SGCZ: variants seen among roughly 807,000 people sequenced by gnomAD.
SGCZ encodes the protein sarcoglycan zeta.
Under a neutral mutation model 41.3 loss-of-function variants are expected in SGCZ, and 40 were observed. That is an observed-to-expected ratio of 0.97 (90% confidence interval 0.75 to 1.26). The LOEUF is 1.26. SGCZ is among the 50% of genes most tolerant of loss of function. The pLI is 0.00. For missense variants in SGCZ, 552 were observed against 369.8 expected (o/e 1.49, Z -4.04); for synonymous variants, 206 against 137.5 (o/e 1.50, Z -3.49).
chr8:14,256,404 T>C (rs1318437814), intron 3 of SGCZ, among the ~76,000 whole-genome samples: 1 of 152,154 alleles, frequency 6.6e-6, no homozygotes, highest in Non-Finnish European at 1.5e-5. Context: ...TAGATGGAAC[T>C]TGTTAGCACT....
intron 5 of SGCZ, among the ~76,000 whole-genome samples, chr8:14,160,287 GT>G (rs1345268507): frequency 3.9e-5 from 6 of 152,102 alleles, no homozygotes; most frequent in African/African-American, 1.4e-4. Context: ...CGTGAAATTT[GT>G]TTTCTAAAGT....
rs532401135 is a variant in SGCZ at position 14,605,502 on chromosome 8, T to C, written c.40-50576A>G. Among the ~76,000 whole-genome samples, 16 of 152,284 alleles carry C rather than the reference T, an allele frequency of 1.1e-4. No homozygotes were observed. The South Asian group carries it at 3.3e-3, about 32-fold the overall frequency. On this transcript the variant is annotated intron_variant, in intron 1 of 7. Coordinates refer to ENST00000382080, the MANE Select transcript of SGCZ (RefSeq NM_139167.4). The stretch of plus-strand genomic sequence containing the variant: ...TTATGCTATCAAATACTAGATCTTT[T>C]AATCTTTTTCTATTTTTTTGTACCC...
intron 1 of SGCZ, among the ~76,000 whole-genome samples, chr8:14,720,922 T>A (rs933573047): frequency 1.2e-4 from 18 of 146,990 alleles, no homozygotes; most frequent in South Asian, 1.1e-3. Context: ...GTTTTTTTTT[T>A]AATTTTTTTT....
chr8:14,587,618 CT>C (rs1805103300), intron 1 of SGCZ, among the ~76,000 whole-genome samples: 1 of 152,182 alleles, frequency 6.6e-6, no homozygotes, highest in African/African-American at 2.4e-5. Flanking sequence ...TTGCAGTGAA[CT>C]TTAAACCTTG....
chr8:14,090,427 G>T lies in SGCZ; in HGVS notation c.*16C>A. ...GGAACAAAAGGCTATTCTGGTGTGAGGAGAAATCAGTCACTTCAGCTCCAC... is the reference window on the plus strand; with the variant it reads ...GGAACAAAAGGCTATTCTGGTGTGATGAGAAATCAGTCACTTCAGCTCCAC... On this transcript the variant is annotated 3_prime_UTR_variant, in exon 8 of 8. Transcript: ENST00000382080. The T allele has an allele frequency of 6.2e-7, 1 of 1,607,654 alleles. No individual in the cohort carries two copies. Among genetic ancestry groups the T allele is most frequent in the South Asian group, 1.1e-5 (1 of 90,242 alleles).
At chr8:14,828,153 T>C (rs886526747) in intron 1 of SGCZ, among the ~76,000 whole-genome samples, 3 of 152,120 alleles carry the variant, frequency 2.0e-5, no homozygotes, top group African/African-American at 7.2e-5. Flanking sequence ...AATGGAAGAA[T>C]GGTGAAAGCA....
intron 2 of SGCZ, among the ~76,000 whole-genome samples, chr8:14,434,622 T>C (rs537495587): frequency 6.0e-4 from 92 of 152,298 alleles, no homozygotes; most frequent in African/African-American, 2.2e-3. Context: ...TTCAATTTGT[T>C]TGTGTCATCT....
chr8:14,802,824 C>G (rs964182912), intron 1 of SGCZ, among the ~76,000 whole-genome samples: 5 of 152,120 alleles, frequency 3.3e-5, no homozygotes, highest in African/African-American at 1.2e-4. Flanking sequence ...ATAGGGTGAA[C>G]TGCAAATGGC....
intron 2 of SGCZ, among the ~76,000 whole-genome samples, chr8:14,445,406 G>C (rs1037494202): frequency 1.3e-5 from 2 of 152,156 alleles, no homozygotes; most frequent in Non-Finnish European, 2.9e-5. Context: ...ACTTGGTAGA[G>C]GGAAGAGACA....
At chr8:14,112,757 G>A (rs557975450) in intron 5 of SGCZ, among the ~76,000 whole-genome samples, 3 of 152,034 alleles carry the variant, frequency 2.0e-5, no homozygotes, top group South Asian at 4.2e-4. Context: ...GATCTCTAAG[G>A]TACTTGCAAT....
At chr8:15,218,325 C>G (rs746853023) in intron 1 of SGCZ, among the ~76,000 whole-genome samples, 22 of 152,114 alleles carry the variant, frequency 1.4e-4, no homozygotes, top group Non-Finnish European at 2.6e-4. Context: ...TACCCAGAAC[C>G]TGAGACTAGT....
intron 1 of SGCZ, among the ~76,000 whole-genome samples, chr8:14,737,830 C>T (rs987337960): frequency 6.6e-6 from 1 of 152,038 alleles, no homozygotes; most frequent in Non-Finnish European, 1.5e-5. Flanking sequence ...TATTGAGGCA[C>T]TATGAGTTAG....
chr8:14,803,135 G>C (rs141406643), intron 1 of SGCZ, among the ~76,000 whole-genome samples: 3 of 152,150 alleles, frequency 2.0e-5, no homozygotes, highest in African/African-American at 7.2e-5. Context: ...AAGGGGACTT[G>C]TATAACAAAT....
chr8:14,158,060 A>G (rs1242111101), intron 5 of SGCZ, among the ~76,000 whole-genome samples: 1 of 152,000 alleles, frequency 6.6e-6, no homozygotes, highest in African/African-American at 2.4e-5. Context: ...TAATTGTGCC[A>G]AAATTGTTCC....
intron 3 of SGCZ, among the ~76,000 whole-genome samples, chr8:14,319,106 G>A (rs1011490157): frequency 1.3e-5 from 2 of 151,910 alleles, no homozygotes; most frequent in Non-Finnish European, 2.9e-5. Context: ...GAACAAAGAT[G>A]ACCTAACATA....
chr8:14,115,410 C>T (rs1013178687), intron 5 of SGCZ, among the ~76,000 whole-genome samples: 8 of 151,964 alleles, frequency 5.3e-5, no homozygotes, highest in Admixed American at 3.3e-4. Flanking sequence ...TTTGATAGCA[C>T]ATGAGCTACC....
intron 1 of SGCZ, among the ~76,000 whole-genome samples, chr8:14,902,932 C>T (rs764542217): frequency 3.3e-5 from 5 of 151,986 alleles, no homozygotes; most frequent in Non-Finnish European, 7.4e-5. Context: ...GTTAGAAAAA[C>T]GATTTGTATT....
intron 1 of SGCZ, among the ~76,000 whole-genome samples, chr8:14,872,184 G>C (rs891186848): frequency 6.6e-6 from 1 of 151,998 alleles, no homozygotes; most frequent in Non-Finnish European, 1.5e-5. Context: ...GAGGGGCTAG[G>C]GGAGGGATAG....
At chr8:14,720,474 A>C (rs1320229024) in intron 1 of SGCZ, among the ~76,000 whole-genome samples, 1 of 152,152 alleles carries the variant, frequency 6.6e-6, no homozygotes, top group Admixed American at 6.6e-5. Flanking sequence ...TTATTAAACA[A>C]AACACTTTAC....
Sources: allele counts gnomAD v4.1 joint callset (sites outside exome capture counted in the v4.1 genomes callset), GRCh38; gene constraint gnomAD v4.1.1; transcripts MANE v1.5; gene names NCBI Gene and HGNC (gene_info 2026-07-23, HGNC 2026-07-21).